NR3C2: variants seen among roughly 807,000 people sequenced by gnomAD.
NR3C2 encodes nuclear receptor subfamily 3 group C member 2, also known as mineralocorticoid receptor.
Under a neutral mutation model 86.4 loss-of-function variants are expected in NR3C2, and 15 were observed. That is an observed-to-expected ratio of 0.17 (90% CI 0.12 to 0.27). The LOEUF is 0.27. NR3C2 is among the 10% of genes least tolerant of loss of function. The pLI is 1.00. For missense variants in NR3C2, 960 were observed against 1,195.6 expected (o/e 0.80, Z 2.91); for synonymous variants, 458 against 450.5 (o/e 1.02, Z -0.21).
At chr4:148,347,709 C>T (rs995125501) in intron 2 of NR3C2, among the ~76,000 whole-genome samples, 2 of 152,252 alleles carry the variant, frequency 1.3e-5, no homozygotes, top group Middle Eastern at 6.8e-3. Flanking sequence ...GGGGCTACAG[C>T]AGTGAACAAA....
At chr4:148,102,771 A>G (rs1731596790) in intron 8 of NR3C2, among the ~76,000 whole-genome samples, 2 of 152,242 alleles carry the variant, frequency 1.3e-5, no homozygotes, top group Admixed American at 1.3e-4. Flanking sequence ...CATTATAAAC[A>G]GAATGGTGGC....
chr4:148,372,719 A>T (rs1009641411), intron 2 of NR3C2, among the ~76,000 whole-genome samples: 7 of 152,234 alleles, frequency 4.6e-5, no homozygotes, highest in Admixed American at 1.3e-4. Context: ...GAAGTCAAAC[A>T]TTCACTGGAT....
chr4:148,413,311 T>C (rs1187241288), intron 2 of NR3C2, among the ~76,000 whole-genome samples: 1 of 152,154 alleles, frequency 6.6e-6, no homozygotes, highest in African/African-American at 2.4e-5. Flanking sequence ...GTAACTACTA[T>C]GTTTCCAAAA....
chr4:148,309,396 G>A (rs1012037757), intron 2 of NR3C2, among the ~76,000 whole-genome samples: 2 of 152,082 alleles, frequency 1.3e-5, no homozygotes, highest in African/African-American at 2.4e-5. Flanking sequence ...AGACACACAT[G>A]CACATGGATA....
At chr4:148,149,665 G>T (rs1734019138) in intron 6 of NR3C2, among the ~76,000 whole-genome samples, 1 of 152,100 alleles carries the variant, frequency 6.6e-6, no homozygotes, top group Admixed American at 6.6e-5. Context: ...TCTGATAAGG[G>T]TTTAATATCC....
intron 4 of NR3C2, among the ~76,000 whole-genome samples, chr4:148,167,407 T>C (rs902925181): frequency 3.9e-5 from 6 of 152,262 alleles, no homozygotes; most frequent in African/African-American, 9.6e-5. Context: ...CAAAAGCCTA[T>C]ATAATCTTCC....
At chr4:148,371,942 T>C (rs13112423) in intron 2 of NR3C2, among the ~76,000 whole-genome samples, 74,631 of 151,976 alleles carry the variant, frequency 0.49, 19,056 homozygotes, top group East Asian at 0.75. Flanking sequence ...TTGATTTTTT[T>C]CATTTATTCA....
At chr4:148,282,331 T>C (rs541433913) in intron 2 of NR3C2, among the ~76,000 whole-genome samples, 2 of 152,262 alleles carry the variant, frequency 1.3e-5, no homozygotes, top group South Asian at 2.1e-4. Flanking sequence ...TGCCCGGCCA[T>C]AATTTTTCTG....
At chr4:148,200,728 A>G (rs1736678473) in intron 3 of NR3C2, among the ~76,000 whole-genome samples, 1 of 152,226 alleles carries the variant, frequency 6.6e-6, no homozygotes, top group South Asian at 2.1e-4. Context: ...CAAAGCACTT[A>G]AAATAGTCAC....
At chr4:148,352,909 C>T (rs915826736) in intron 2 of NR3C2, among the ~76,000 whole-genome samples, 1 of 152,010 alleles carries the variant, frequency 6.6e-6, no homozygotes, top group African/African-American at 2.4e-5. Context: ...CTATATAACA[C>T]ATTTTCTAAA....
intron 2 of NR3C2, among the ~76,000 whole-genome samples, chr4:148,319,318 C>G (rs1187563256): frequency 6.6e-6 from 1 of 152,194 alleles, no homozygotes; most frequent in Non-Finnish European, 1.5e-5. Context: ...TGTGATTCCT[C>G]CAGCTTTGTT....
chr4:148,100,095 CAAT>C (rs1731467823), intron 8 of NR3C2, among the ~76,000 whole-genome samples: 3 of 152,318 alleles, frequency 2.0e-5, no homozygotes, highest in Middle Eastern at 3.4e-3. Context: ...TGTGAAATAT[CAAT>C]GATGAAGCAC....
At chr4:148,201,084 T>A (rs1736696767) in intron 3 of NR3C2, 1 of 152,234 alleles carries the variant, frequency 6.6e-6, no homozygotes, top group Non-Finnish European at 1.5e-5. Flanking sequence ...GCGGCCTCTA[T>A]GGCAGGCACT....
At chr4:148,347,324 A>C (rs1379346897) in intron 2 of NR3C2, among the ~76,000 whole-genome samples, 1 of 152,014 alleles carries the variant, frequency 6.6e-6, no homozygotes, top group Admixed American at 6.6e-5. Flanking sequence ...AACCACCCAG[A>C]AATGTTCCTC....
intron 2 of NR3C2, among the ~76,000 whole-genome samples, chr4:148,266,356 C>G (rs1387023101): frequency 6.6e-6 from 1 of 152,086 alleles, no homozygotes; most frequent in Non-Finnish European, 1.5e-5. Flanking sequence ...CAGGCGTGAG[C>G]CACTGCACCC....
At chr4:148,442,711 C>T (rs61760026), upstream of NR3C2, 977 of 985,302 alleles carry the variant, frequency 9.9e-4, no homozygotes, top group Non-Finnish European at 1.1e-3. Flanking sequence ...AGCCTGGACT[C>T]GGCAGCTTCC....
chr4:148,343,986 T>C (rs1035677369), intron 2 of NR3C2, among the ~76,000 whole-genome samples: 1 of 152,116 alleles, frequency 6.6e-6, no homozygotes, highest in Non-Finnish European at 1.5e-5. Flanking sequence ...TTGGTGACAA[T>C]TCCTGACATA....
chr4:148,202,649 T>A (rs2149809607), intron 3 of NR3C2, among the ~76,000 whole-genome samples: 1 of 152,350 alleles, frequency 6.6e-6, no homozygotes, highest in East Asian at 1.9e-4. Flanking sequence ...GGAAATGTGC[T>A]ATTTTACAGG....
At chr4:148,171,076 C>T (rs1043813613) in intron 4 of NR3C2, among the ~76,000 whole-genome samples, 1 of 152,200 alleles carries the variant, frequency 6.6e-6, no homozygotes, top group African/African-American at 2.4e-5. Context: ...ACTAGCCATC[C>T]GTTAAAAAGA....
Sources: gnomAD v4.1 joint callset for allele counts (sites outside exome capture counted in the v4.1 genomes callset) on GRCh38, gnomAD v4.1.1 for gene constraint, MANE v1.5 for transcripts, NCBI Gene and HGNC (gene_info 2026-07-23, HGNC 2026-07-21) for gene names.